RNF217: variants seen among roughly 807,000 people sequenced by gnomAD.
The protein encoded by RNF217 is E3 ubiquitin-protein ligase RNF217.
In RNF217, 31 loss-of-function variants were observed where a neutral mutation model predicts 57.8. The ratio of observed to expected loss-of-function variants is 0.54; its 90% confidence interval spans 0.40 to 0.72. The LOEUF (loss-of-function observed/expected upper bound fraction) is 0.72, where lower values mean the gene tolerates loss of function less well. Among genes scored for constraint, RNF217 ranks in the 30% least tolerant of loss-of-function variants. RNF217 has a pLI of 0.00. For synonymous variants in RNF217, 313 were observed against 294.0 expected (o/e 1.06, Z -0.66); for missense variants, 696 against 708.3 (o/e 0.98, Z 0.20).
intron 1 of RNF217, among the ~76,000 whole-genome samples, chr6:125,026,787 G>T (rs1786105444): frequency 2.0e-5 from 3 of 151,782 alleles, no homozygotes; most frequent in Admixed American, 2.0e-4. Context: ...AGACAAGTGG[G>T]GTGTGAAATC....
chr6:124,998,900 C>T (rs1784858752), intron 1 of RNF217, among the ~76,000 whole-genome samples: 2 of 152,144 alleles, frequency 1.3e-5, no homozygotes, highest in African/African-American at 2.4e-5. Flanking sequence ...CACTTTGGTC[C>T]AGAACAATGC....
intron 4 of RNF217, among the ~76,000 whole-genome samples, 182 bp downstream of exon 4, chr6:125,077,040 T>C (rs1406592108): frequency 6.6e-6 from 1 of 152,176 alleles, no homozygotes; most frequent in Admixed American, 6.5e-5. Context: ...GGACACTACT[T>C]ATATGAGCAA....
At chr6:124,980,618 T>C (rs1784128869) in intron 1 of RNF217, among the ~76,000 whole-genome samples, 1 of 152,206 alleles carries the variant, frequency 6.6e-6, no homozygotes, top group African/African-American at 2.4e-5. Context: ...CTACCTTTAA[T>C]GACAAAGGCC....
intron 4 of RNF217, among the ~76,000 whole-genome samples, chr6:125,078,629 C>A (rs1223853908): frequency 6.6e-6 from 1 of 152,090 alleles, no homozygotes; most frequent in Non-Finnish European, 1.5e-5. Flanking sequence ...TGGTATTAAT[C>A]CAGTCATAAG....
intron 1 of RNF217, among the ~76,000 whole-genome samples, chr6:124,975,303 T>G (rs1783916656): frequency 6.6e-6 from 1 of 152,244 alleles, no homozygotes; most frequent in Non-Finnish European, 1.5e-5. Flanking sequence ...TAAGCCATTT[T>G]TCCTAATGTT....
chr6:125,008,402 A>C (rs559317822), intron 1 of RNF217, among the ~76,000 whole-genome samples: 19 of 152,320 alleles, frequency 1.2e-4, no homozygotes, highest in African/African-American at 4.3e-4. Context: ...ACTTAGAAAG[A>C]AGTTAAGCAT....
At chr6:125,032,620 A>G (rs1289058437) in intron 1 of RNF217, among the ~76,000 whole-genome samples, 3 of 152,166 alleles carry the variant, frequency 2.0e-5, no homozygotes, top group Admixed American at 6.5e-5. Flanking sequence ...AGTTTCTGGA[A>G]GGAAACGACA....
intron 3 of RNF217, among the ~76,000 whole-genome samples, chr6:125,065,208 T>C (rs1401022440): frequency 2.0e-5 from 3 of 151,016 alleles, no homozygotes; most frequent in African/African-American, 7.3e-5. Context: ...GGAGAATGGC[T>C]TGAACCCAGG....
Position 125,086,381 on chromosome 6 carries a change from G to T in RNF217, c.*3444G>T, listed in dbSNP as rs1476479265. On this transcript the variant is annotated 3_prime_UTR_variant, in exon 6 of 6. Coordinates refer to ENST00000521654, the MANE Select transcript of RNF217 (RefSeq NM_001286398.3). ...TGTGAGAGAGATGAATTGACTTTTG[G>T]ATTGCCTCATTTTAAAACTTGAGGG... 1 of 151,680 alleles carries T rather than the reference G, an allele frequency of 6.6e-6. No homozygotes were observed. Among genetic ancestry groups the T allele is most frequent in the Non-Finnish European group, 1.5e-5 (1 of 67,924 alleles). The allele number at this position is 151,680 out of a possible 1,614,324, so 9.4% of individuals were successfully genotyped here.
chr6:125,063,836 G>A (rs1787840717), intron 3 of RNF217, among the ~76,000 whole-genome samples: 1 of 151,966 alleles, frequency 6.6e-6, no homozygotes, highest in Non-Finnish European at 1.5e-5. Context: ...AAAGTGAATT[G>A]TATTTATTCA....
intron 5 of RNF217, chr6:125,082,457 A>G: frequency 6.2e-7 from 1 of 1,610,396 alleles, no homozygotes; most frequent in Non-Finnish European, 8.5e-7. Flanking sequence ...AGTTGAGGAA[A>G]TTAAGACTTA....
At chr6:125,014,996 A>C (rs1322819636) in intron 1 of RNF217, among the ~76,000 whole-genome samples, 1 of 152,046 alleles carries the variant, frequency 6.6e-6, no homozygotes, top group Non-Finnish European at 1.5e-5. Flanking sequence ...ATATATTTAA[A>C]TATGTGTTTT....
chr6:125,026,413 A>G (rs796941409), intron 1 of RNF217, among the ~76,000 whole-genome samples: 2 of 152,336 alleles, frequency 1.3e-5, no homozygotes, highest in African/African-American at 2.4e-5. Flanking sequence ...TGCCTGGCAC[A>G]TACTAAACGC....
chr6:125,029,916 T>C (rs944154769), intron 1 of RNF217, among the ~76,000 whole-genome samples: 2 of 152,226 alleles, frequency 1.3e-5, no homozygotes, highest in African/African-American at 4.8e-5. Context: ...ACATAGCTGC[T>C]TTGTTACTCC....
intron 1 of RNF217, among the ~76,000 whole-genome samples, chr6:125,006,346 C>G (rs1785179131): frequency 6.6e-6 from 1 of 152,178 alleles, no homozygotes. Flanking sequence ...ATACTCAACT[C>G]CTAACCACAG....
chr6:125,047,958 A>G (rs1562484915), intron 2 of RNF217, among the ~76,000 whole-genome samples: 1 of 152,212 alleles, frequency 6.6e-6, no homozygotes, highest in South Asian at 2.1e-4. Context: ...GAGAAGATCG[A>G]TAACAGAAGA....
chr6:125,031,607 G>C (rs1357069248), intron 1 of RNF217, among the ~76,000 whole-genome samples: 1 of 152,122 alleles, frequency 6.6e-6, no homozygotes, highest in Non-Finnish European at 1.5e-5. Context: ...AGTCACCTTT[G>C]CTCTAATTCC....
intron 3 of RNF217, among the ~76,000 whole-genome samples, chr6:125,070,942 T>C (rs113016102): frequency 0.022 from 3,293 of 152,284 alleles, 56 homozygotes; most frequent in Middle Eastern, 0.058. Context: ...TGGAGACAAA[T>C]ACTTGTGGGC....
At chr6:125,063,508 A>C (rs958582630) in intron 3 of RNF217, among the ~76,000 whole-genome samples, 3 of 152,280 alleles carry the variant, frequency 2.0e-5, no homozygotes, top group Admixed American at 6.5e-5. Context: ...AGTAATAATA[A>C]CACTAACATG....
Sources: gnomAD v4.1 joint callset for allele counts (sites outside exome capture counted in the v4.1 genomes callset) on GRCh38, gnomAD v4.1.1 for gene constraint, MANE v1.5 for transcripts, NCBI Gene and HGNC (gene_info 2026-07-23, HGNC 2026-07-21) for gene names.